FOXC2: variants seen among roughly 807,000 people sequenced by gnomAD.
FOXC2 encodes forkhead box C2.
Under a neutral mutation model 7.2 loss-of-function variants are expected in FOXC2, and 7 were observed. The observed-to-expected ratio is 0.97, with a 90% confidence interval of 0.55 to 1.81. The LOEUF is 1.81. FOXC2 is among the 40% of genes most tolerant of loss of function. The pLI, the probability that FOXC2 is intolerant of heterozygous loss-of-function variation, is 0.00. For synonymous variants in FOXC2, 436 were observed against 350.4 expected, an observed-to-expected ratio of 1.24 and a Z score of -2.73; for missense variants, 846 against 741.2, an observed-to-expected ratio of 1.14 and a Z score of -1.64.
At position 86,567,175 on chromosome 16, in the gene FOXC2, C is replaced by T. The variant is rs1264216535; in HGVS notation, c.-161C>T. On this transcript the variant is annotated 5_prime_UTR_variant, in exon 1 of 1. Transcript: ENST00000649859. Reference sequence around the variant, plus strand: ...TGCTCGGCCCGAGCGCCGCCGCCCGCGCACCCTCGCCCCGGAGGCTGCCAG... The same window carrying T: ...TGCTCGGCCCGAGCGCCGCCGCCCGTGCACCCTCGCCCCGGAGGCTGCCAG... 2 of 734,032 alleles carry T rather than the reference C, an allele frequency of 2.7e-6. No individual in the cohort carries two copies. Among genetic ancestry groups the T allele is most frequent in the Non-Finnish European group, 4.2e-6 (2 of 479,430 alleles). The allele number at this position is 734,032 out of a possible 1,614,324, so 45.5% of individuals were successfully genotyped here. A position where few individuals can be genotyped will look rare whatever the true frequency, so the allele number is the denominator to read the frequency against.
chr16:86,567,914 C>G lies in FOXC2; in HGVS notation c.579C>G (p.Gly193=). 6.3e-7 allele frequency: 1 copy of G among 1,577,446 alleles called. No individual in the cohort carries two copies. The highest frequency in any genetic ancestry group is 8.5e-7 in the Non-Finnish European group (1 of 1,171,580). ...AGCCGCCCCCGGCGGCGTCCAAGGG[C>G]GCCCCGGCCACCCCCCACCTAGCGG... The part of the protein sequence containing the change: ...LKEPPPAASK[G]APATPHLADA... Residue 193 remains glycine, a synonymous_variant, in exon 1 of 1, where the codon GGC becomes GGG. Transcript: ENST00000649859.
rs1974228013 is a variant in FOXC2, at chr16:86,568,235, G to T, written c.900G>T (p.Pro300=). Residue 300 remains proline, a synonymous_variant, in exon 1 of 1, where the codon CCG becomes CCT. Transcript: ENST00000649859. The surrounding 1 kb of genome is among the most constrained non-coding windows in gnomAD (Gnocchi z 5.2). ...GACGCGCGGGCCTGGTGGTGCCGCC[G>T]CTGGCGCTGCCCTACGCCGCCGCGC... The part of the protein sequence containing the change: ...GAGRAGLVVP[P]LALPYAAAPP... 1 of 1,273,520 alleles carries T rather than the reference G, an allele frequency of 7.9e-7. No individual in the cohort carries two copies. The highest frequency in any genetic ancestry group is 9.9e-7 in the Non-Finnish European group (1 of 1,014,794). The allele number at this position is 1,273,520 out of a possible 1,614,324, so 78.9% of individuals were successfully genotyped here. A position where few individuals can be genotyped will look rare whatever the true frequency, so the allele number is the denominator to read the frequency against.
In FOXC2 at chr16:86,568,968, AC is replaced by A. The variant is rs1974245269; in HGVS notation, c.*130del. The A allele has an allele frequency of 3.9e-6, 5 of 1,289,520 alleles. No homozygotes were observed. The East Asian group carries it at 1.3e-4, about 33-fold the overall frequency. 79.9% of individuals were successfully genotyped at this position (1,289,520 alleles called of 1,614,324 possible). The stretch of plus-strand genomic sequence containing the variant: ...AACATGTCCACCAACCTTTTCTCAG[AC>A]CCGGGAGCAGAGAGCGGGCACGCTA... On this transcript the variant is annotated 3_prime_UTR_variant, in exon 1 of 1. Transcript: ENST00000649859. This position sits in a 1 kb window ranked among gnomAD's most constrained non-coding sequence, Gnocchi z 5.2.
rs1266428946 is a variant in FOXC2 at position 86,567,587 on chromosome 16, C to G, written c.252C>G (p.Ala84=). Residue 84 remains alanine (A), a synonymous_variant, in exon 1 of 1, where the codon GCC becomes GCG. Transcript: ENST00000649859. ...PYSYIALITM[A]IQNAPEKKIT... is the part of the protein sequence containing the mutation. ...GCTACATCGCGCTCATCACCATGGC[C>G]ATCCAGAACGCGCCCGAGAAGAAGA... The G allele has an allele frequency of 1.2e-6, 2 of 1,614,092 alleles. No individual in the cohort carries two copies. Among genetic ancestry groups the G allele is most frequent in the Non-Finnish European group, 1.7e-6 (2 of 1,180,006 alleles).
rs200751941 is a variant in FOXC2 at position 86,567,918 on chromosome 16, C to T, written c.583C>T (p.Pro195Ser). 1.4e-5 allele frequency: 22 copies of T among 1,574,538 alleles called. No individual in the cohort carries two copies. Among genetic ancestry groups the T allele is most frequent in the Non-Finnish European group, 1.8e-5 (21 of 1,170,966 alleles). Residue 195 changes from proline (P) to serine (S), a missense_variant, in exon 1 of 1, where the codon CCG (proline) becomes TCG (serine). Physicochemically the swap from Pro to Ser is moderately conservative, Grantham distance 74. Coordinates refer to ENST00000649859, the MANE Select transcript of FOXC2 (RefSeq NM_005251.3). ...EPPPAASKGA[P>S]ATPHLADAPK... ...GCCCCCGGCGGCGTCCAAGGGCGCCCCGGCCACCCCCCACCTAGCGGACGC... is the reference window on the plus strand; with the variant it reads ...GCCCCCGGCGGCGTCCAAGGGCGCCTCGGCCACCCCCCACCTAGCGGACGC...
chr16:86,568,266 G>A lies in FOXC2; in HGVS notation c.931G>A (p.Ala311Thr). Residue 311 changes from alanine (A) to threonine (T), a missense_variant, in exon 1 of 1, where the codon GCC becomes ACC. Around this residue, in one of 3 missense-constraint regions of FOXC2, gnomAD observed 640 missense variants for 503.2 expected, o/e 1.27. Transcript: ENST00000649859. The surrounding 1 kb of genome is among the most constrained non-coding windows in gnomAD (Gnocchi z 5.2). Reference sequence around the variant, plus strand: ...GCTGCCCTACGCCGCCGCGCCGCCCGCCGCCTACGGCCAGCCGTGCGCTCA... The same window carrying A: ...GCTGCCCTACGCCGCCGCGCCGCCCACCGCCTACGGCCAGCCGTGCGCTCA... ...LALPYAAAPP[A>T]AYGQPCAQGL... 1 of 1,250,294 alleles carries A rather than the reference G, an allele frequency of 8.0e-7. No individual in the cohort carries two copies. The highest frequency in any genetic ancestry group is 1.0e-6 in the Non-Finnish European group (1 of 999,134). The allele number at this position is 1,250,294 out of a possible 1,614,324, so 77.5% of individuals were successfully genotyped here.
Position 86,568,541 on chromosome 16 carries a change from C to G in FOXC2, c.1206C>G (p.Pro402=). The G allele has an allele frequency of 7.7e-7, 1 of 1,303,406 alleles. No homozygotes were observed. The highest frequency in any genetic ancestry group is 9.7e-7 in the Non-Finnish European group (1 of 1,026,172). The allele number at this position is 1,303,406 out of a possible 1,614,324, so 80.7% of individuals were successfully genotyped here. A position where few individuals can be genotyped will look rare whatever the true frequency, so the allele number is the denominator to read the frequency against. The change falls in exon 1 of 1, where the codon CCC becomes CCG. Residue 402 remains proline (P), a synonymous_variant. Transcript: ENST00000649859. This position sits in a 1 kb window ranked among gnomAD's most constrained non-coding sequence, Gnocchi z 5.2. ...ACCACCACCCGCAGGCGCCGCCGCC[C>G]CCGCCGGCTCCCCAGCCCCAGCCGA... The part of the protein sequence containing the change: ...HGHHHPQAPP[P]PPAPQPQPTP...
Position 86,567,950 on chromosome 16 carries a change from G to A in FOXC2, c.615G>A (p.Lys205=). Residue 205 remains lysine (K), a synonymous_variant, in exon 1 of 1, where the codon AAG becomes AAA. Coordinates refer to ENST00000649859, the MANE Select transcript of FOXC2 (RefSeq NM_005251.3). ...CCCCCCACCTAGCGGACGCCCCCAAGGAGGCCGAGAAGAAGGTGGTGATCA... is the reference window on the plus strand; with the variant it reads ...CCCCCCACCTAGCGGACGCCCCCAAAGAGGCCGAGAAGAAGGTGGTGATCA... ...PATPHLADAP[K]EAEKKVVIKS... 2 of 1,551,910 alleles carry A rather than the reference G, an allele frequency of 1.3e-6. No homozygotes were observed. Among genetic ancestry groups the A allele is most frequent in the Non-Finnish European group, 1.7e-6 (2 of 1,163,452 alleles).
At position 86,568,508 on chromosome 16, in the gene FOXC2, C is replaced by T; in HGVS notation, c.1173C>T (p.His391=). The T allele has an allele frequency of 7.8e-7, 1 of 1,289,428 alleles. No homozygotes were observed. Among genetic ancestry groups the T allele is most frequent in the Non-Finnish European group, 9.8e-7 (1 of 1,018,104 alleles). The allele number at this position is 1,289,428 out of a possible 1,614,324, so 79.9% of individuals were successfully genotyped here. A position where few individuals can be genotyped will look rare whatever the true frequency, so the allele number is the denominator to read the frequency against. The change falls in exon 1 of 1, where the codon CAC becomes CAT. Residue 391 remains histidine (H), a synonymous_variant. Transcript: ENST00000649859. This position sits in a 1 kb window ranked among gnomAD's most constrained non-coding sequence, Gnocchi z 5.2. ...CCGCCACGGGCCACCACCACCAGCA[C>T]CACGGCCACCACCACCCGCAGGCGC... ...ALAATGHHHQ[H]HGHHHPQAPP...
At position 86,567,597 on chromosome 16, in the gene FOXC2, G is replaced by A. The variant is rs1319701826; in HGVS notation, c.262G>A (p.Ala88Thr). 1.9e-6 allele frequency: 3 copies of A among 1,614,134 alleles called. No homozygotes were observed. The South Asian group carries it at 3.3e-5, about 18-fold the overall frequency. The stretch of plus-strand genomic sequence containing the variant: ...GCTCATCACCATGGCCATCCAGAAC[G>A]CGCCCGAGAAGAAGATCACCTTGAA... Reference protein sequence around the residue: ...IALITMAIQNAPEKKITLNGI... With the variant: ...IALITMAIQNTPEKKITLNGI... Residue 88 changes from alanine (A) to threonine (T), a missense_variant, in exon 1 of 1, where the codon GCG becomes ACG. Coordinates refer to ENST00000649859, the MANE Select transcript of FOXC2 (RefSeq NM_005251.3).
rs1476405700 is a variant in FOXC2 at position 86,568,892 on chromosome 16, C to T, written c.*51C>T. The T allele has an allele frequency of 6.2e-6, 10 of 1,606,366 alleles. No homozygotes were observed. The highest frequency in any genetic ancestry group is 8.5e-6 in the Non-Finnish European group (10 of 1,175,908). The stretch of plus-strand genomic sequence containing the variant: ...GCCCGCTCCGGCTTCGCTTCCCAGC[C>T]CCGACCCAACCAGACAATTAAGGGG... On this transcript the variant is annotated 3_prime_UTR_variant, in exon 1 of 1. Transcript: ENST00000649859. This position sits in a 1 kb window ranked among gnomAD's most constrained non-coding sequence, Gnocchi z 5.2.
Position 86,567,605 on chromosome 16 carries a change from G to A in FOXC2, c.270G>A (p.Glu90=), listed in dbSNP as rs748182598. The A allele has an allele frequency of 8.1e-6, 13 of 1,614,034 alleles. No homozygotes were observed. In the African/African-American group the frequency reaches 1.5e-4, roughly 18 times the overall value. The change falls in exon 1 of 1, where the codon GAG becomes GAA. Residue 90 remains glutamate, a synonymous_variant. Coordinates refer to ENST00000649859, the MANE Select transcript of FOXC2 (RefSeq NM_005251.3). ...CCATGGCCATCCAGAACGCGCCCGAGAAGAAGATCACCTTGAACGGCATCT... is the reference window on the plus strand; with the variant it reads ...CCATGGCCATCCAGAACGCGCCCGAAAAGAAGATCACCTTGAACGGCATCT... ...LITMAIQNAP[E]KKITLNGIYQ...
Position 86,568,903 on chromosome 16 carries a change from C to T in FOXC2, c.*62C>T. 6.2e-7 allele frequency: 1 copy of T among 1,600,802 alleles called. No individual in the cohort carries two copies. Among genetic ancestry groups the T allele is most frequent in the South Asian group, 1.1e-5 (1 of 90,126 alleles). ...CTTCGCTTCCCAGCCCCGACCCAAC[C>T]AGACAATTAAGGGGCTGCAGAGACG... is the stretch of plus-strand genomic sequence containing the variant. On this transcript the variant is annotated 3_prime_UTR_variant, in exon 1 of 1. Transcript: ENST00000649859. This position sits in a 1 kb window ranked among gnomAD's most constrained non-coding sequence, Gnocchi z 5.2.
chr16:86,568,551 C>T lies in FOXC2; in HGVS notation c.1216C>T (p.Pro406Ser). The change falls in exon 1 of 1, where the codon CCC becomes TCC. Residue 406 changes from proline to serine, a missense_variant. By Grantham distance (74) the Pro-to-Ser change is moderately conservative. Coordinates refer to ENST00000649859, the MANE Select transcript of FOXC2 (RefSeq NM_005251.3). The surrounding 1 kb of genome is among the most constrained non-coding windows in gnomAD (Gnocchi z 5.2). The stretch of plus-strand genomic sequence containing the variant: ...GCAGGCGCCGCCGCCCCCGCCGGCT[C>T]CCCAGCCCCAGCCGACGCCGCAGCC... ...HPQAPPPPPA[P>S]QPQPTPQPGA... 1.4e-6 allele frequency: 2 copies of T among 1,477,198 alleles called. No homozygotes were observed. The highest frequency in any genetic ancestry group is 1.8e-6 in the Non-Finnish European group (2 of 1,111,916). 91.5% of individuals were successfully genotyped at this position (1,477,198 alleles called of 1,614,324 possible). A position where few individuals can be genotyped will look rare whatever the true frequency, so the allele number is the denominator to read the frequency against.
chr16:86,568,106 G>T lies in FOXC2; in HGVS notation c.771G>T (p.Pro257=). ...TPAGSPDGSL[P]EHHAAAPNGL... The stretch of plus-strand genomic sequence containing the variant: ...CCGGCTCCCCCGACGGCTCGCTGCC[G>T]GAGCACCACGCCGCGGCGCCCAACG... The change falls in exon 1 of 1, where the codon CCG becomes CCT. Residue 257 remains proline (P), a synonymous_variant. Coordinates refer to ENST00000649859, the MANE Select transcript of FOXC2 (RefSeq NM_005251.3). This position sits in a 1 kb window ranked among gnomAD's most constrained non-coding sequence, Gnocchi z 5.2. 1 of 1,372,166 alleles carries T rather than the reference G, an allele frequency of 7.3e-7. No homozygotes were observed. The highest frequency in any genetic ancestry group is 9.4e-7 in the Non-Finnish European group (1 of 1,068,590). The allele number at this position is 1,372,166 out of a possible 1,614,324, so 85.0% of individuals were successfully genotyped here.
Position 86,568,507 on chromosome 16 carries a change from AC to A in FOXC2, c.1174del (p.His392ThrfsTer41). Reference sequence around the variant, plus strand: ...GCCGCCACGGGCCACCACCACCAGCACCACGGCCACCACCACCCGCAGGCGC... The same window carrying A: ...GCCGCCACGGGCCACCACCACCAGCACACGGCCACCACCACCCGCAGGCGC... ...ALAATGHHHQ[H>X]HGHHHPQAPP... On this transcript the variant is annotated frameshift_variant, in exon 1 of 1. Transcript: ENST00000649859. LOFTEE classifies it high-confidence loss of function. This position sits in a 1 kb window ranked among gnomAD's most constrained non-coding sequence, Gnocchi z 5.2. 7.8e-7 allele frequency: 1 copy of A among 1,286,004 alleles called. No individual in the cohort carries two copies. Among genetic ancestry groups the A allele is most frequent in the Non-Finnish European group, 9.8e-7 (1 of 1,016,756 alleles). The allele number at this position is 1,286,004 out of a possible 1,614,324, so 79.7% of individuals were successfully genotyped here. A position where few individuals can be genotyped will look rare whatever the true frequency, so the allele number is the denominator to read the frequency against.
chr16:86,568,280 G>A lies in FOXC2; in HGVS notation c.945G>A (p.Gln315=), dbSNP rs1974228923. 8.0e-7 allele frequency: 1 copy of A among 1,257,054 alleles called. No homozygotes were observed. The highest frequency in any genetic ancestry group is 1.0e-6 in the Non-Finnish European group (1 of 1,002,124). 77.9% of individuals were successfully genotyped at this position (1,257,054 alleles called of 1,614,324 possible). The change falls in exon 1 of 1, where the codon CAG becomes CAA. Residue 315 remains glutamine, a synonymous_variant. Transcript: ENST00000649859. This position sits in a 1 kb window ranked among gnomAD's most constrained non-coding sequence, Gnocchi z 5.2. ...YAAAPPAAYG[Q]PCAQGLEAGA... is the part of the protein sequence containing the mutation. ...CCGCGCCGCCCGCCGCCTACGGCCA[G>A]CCGTGCGCTCAGGGCCTGGAGGCCG...
rs2144020120 is a variant in FOXC2 at position 86,568,269 on chromosome 16, G to A, written c.934G>A (p.Ala312Thr). Reference protein sequence around the residue: ...ALPYAAAPPAAYGQPCAQGLE... With the variant: ...ALPYAAAPPATYGQPCAQGLE... ...GCCCTACGCCGCCGCGCCGCCCGCC[G>A]CCTACGGCCAGCCGTGCGCTCAGGG... Residue 312 changes from alanine to threonine, a missense_variant, in exon 1 of 1, where the codon GCC becomes ACC. Ala to Thr is a moderately conservative substitution (Grantham distance 58). Around this residue, in one of 3 missense-constraint regions of FOXC2, gnomAD observed 640 missense variants for 503.2 expected, o/e 1.27. Coordinates refer to ENST00000649859, the MANE Select transcript of FOXC2 (RefSeq NM_005251.3). The surrounding 1 kb of genome is among the most constrained non-coding windows in gnomAD (Gnocchi z 5.2). The A allele has an allele frequency of 8.0e-7, 1 of 1,251,718 alleles. No homozygotes were observed. Among genetic ancestry groups the A allele is most frequent in the Non-Finnish European group, 1.0e-6 (1 of 999,862 alleles). 77.5% of individuals were successfully genotyped at this position (1,251,718 alleles called of 1,614,324 possible).
rs918565051 is a variant in FOXC2 at position 86,567,149 on chromosome 16, C to T, written c.-187C>T. The T allele has an allele frequency of 9.2e-5, 52 of 566,854 alleles. No homozygotes were observed. The African/African-American group carries it at 9.8e-4, about 11-fold the overall frequency. 35.1% of individuals were successfully genotyped at this position (566,854 alleles called of 1,614,324 possible). The stretch of plus-strand genomic sequence containing the variant: ...CCCGGTCCGCTGAAAGCGCGCGCCC[C>T]TGCTCGGCCCGAGCGCCGCCGCCCG... On this transcript the variant is annotated 5_prime_UTR_variant, in exon 1 of 1. Coordinates refer to ENST00000649859, the MANE Select transcript of FOXC2 (RefSeq NM_005251.3).
Sources: allele counts gnomAD v4.1 joint callset, GRCh38; gene constraint gnomAD v4.1.1; regional missense constraint gnomAD v4.1.1; non-coding constraint Gnocchi (gnomAD v3.1); transcripts MANE v1.5; gene names NCBI Gene and HGNC (gene_info 2026-07-23, HGNC 2026-07-21).